CACNA1D: variants seen among roughly 807,000 people sequenced by gnomAD.
CACNA1D encodes the protein voltage-dependent L-type calcium channel subunit alpha-1D.
A neutral mutation model predicts 257.1 loss-of-function variants in CACNA1D; 55 were observed. The ratio of observed to expected loss-of-function variants is 0.21; its 90% confidence interval spans 0.17 to 0.27. The LOEUF (loss-of-function observed/expected upper bound fraction) is 0.27, where lower values mean the gene tolerates loss of function less well. Among genes scored for constraint, CACNA1D ranks in the 10% least tolerant of loss-of-function variants. The probability of loss-of-function intolerance (pLI) is 1.00; values close to 1 mark genes in which losing one functional copy is unlikely to be tolerated. For missense variants in CACNA1D, 1,876 were observed against 2,784.0 expected, an observed-to-expected ratio of 0.67 and a Z score of 7.34; for synonymous variants, 980 against 1,014.9, an observed-to-expected ratio of 0.97 and a Z score of 0.65.
At chr3:53,500,728 G>A (rs1236216965) in intron 2 of CACNA1D, among the ~76,000 whole-genome samples, 1 of 152,198 alleles carries the variant, frequency 6.6e-6, no homozygotes, top group African/African-American at 2.4e-5. Flanking sequence ...CATTTTGGCA[G>A]ATGTCAAATT....
At chr3:53,706,788 G>C (rs1046253878) in intron 9 of CACNA1D, among the ~76,000 whole-genome samples, 2 of 151,996 alleles carry the variant, frequency 1.3e-5, no homozygotes, top group African/African-American at 4.8e-5. Flanking sequence ...CCACCCTTCT[G>C]TGTCTCCAAT....
intron 3 of CACNA1D, among the ~76,000 whole-genome samples, chr3:53,510,382 G>GT (rs1209679855): frequency 6.6e-6 from 1 of 152,106 alleles, no homozygotes; most frequent in Non-Finnish European, 1.5e-5. Context: ...TTCCATATCT[G>GT]TATGCAGAAA....
chr3:53,690,363 A>T (rs1193797169), intron 8 of CACNA1D, among the ~76,000 whole-genome samples: 2 of 152,212 alleles, frequency 1.3e-5, no homozygotes, highest in Non-Finnish European at 2.9e-5. Context: ...GAACAATGGG[A>T]TACAGAGGCT....
At chr3:53,786,747 C>CCCCCCCCCCCAAAAA in intron 39 of CACNA1D, 75 bp from the exon 40 acceptor site, 1 of 1,310,946 alleles carries the variant, frequency 7.6e-7, no homozygotes, top group Non-Finnish European at 1.1e-6. Context: ...GCCCCTGCCC[C>CCCCCCCCCCCAAAAA]AGCCAGAAGC....
In CACNA1D at chr3:53,705,544, A is replaced by T. The variant is rs554494688; in HGVS notation, c.1390+2734A>T. On this transcript the variant is annotated intron_variant, in intron 9 of 47. Transcript: ENST00000350061. ...ACTAGCTTAACGTTTGATCCAGAAT[A>T]GCAAATATTTCTGTGGTGCGCCCTT... Among the ~76,000 whole-genome samples, 3 of 152,332 alleles carry T rather than the reference A, an allele frequency of 2.0e-5. No homozygotes were observed. The South Asian group carries it at 6.2e-4, about 32-fold the overall frequency.
At chr3:53,540,406 G>A (rs6809008) in intron 3 of CACNA1D, among the ~76,000 whole-genome samples, 10,896 of 151,714 alleles carry the variant, frequency 0.072, 818 homozygotes, top group African/African-American at 0.19. Flanking sequence ...GATTACAGGC[G>A]TGAGCCACCA....
chr3:53,752,009 A>AT (rs2108882227), intron 28 of CACNA1D, 102 bp downstream of exon 28: 1 of 1,136,660 alleles, frequency 8.8e-7, no homozygotes, highest in East Asian at 2.3e-5. Flanking sequence ...GAGGGGTTTG[A>AT]TTTTTCTGAT....
At chr3:53,691,846 A>G (rs1262576111) in intron 8 of CACNA1D, among the ~76,000 whole-genome samples, 50 of 110,168 alleles carry the variant, frequency 4.5e-4, no homozygotes, top group African/African-American at 1.6e-3. Flanking sequence ...TATTACATAT[A>G]TAATATATAA....
At chr3:53,693,450 A>C (rs1455022797) in intron 8 of CACNA1D, among the ~76,000 whole-genome samples, 3 of 147,616 alleles carry the variant, frequency 2.0e-5, no homozygotes, top group African/African-American at 7.7e-5. Context: ...GAAACATCAC[A>C]CATTGCTGTT....
intron 39 of CACNA1D, among the ~76,000 whole-genome samples, chr3:53,784,258 C>T (rs1357210798): frequency 6.6e-6 from 1 of 152,196 alleles, no homozygotes; most frequent in Non-Finnish European, 1.5e-5. Flanking sequence ...CCCTTCATTT[C>T]AGAAGCTCTC....
intron 14 of CACNA1D, among the ~76,000 whole-genome samples, chr3:53,724,353 C>T (rs963003151): frequency 1.3e-5 from 2 of 152,158 alleles, no homozygotes; most frequent in Non-Finnish European, 2.9e-5. Flanking sequence ...TTTTTGATGG[C>T]AGGCCAGTTC....
chr3:53,544,314 T>C (rs1269534956), intron 3 of CACNA1D, among the ~76,000 whole-genome samples: 1 of 152,102 alleles, frequency 6.6e-6, no homozygotes, highest in African/African-American at 2.4e-5. Flanking sequence ...AGAAATTATA[T>C]AGTACAATAT....
chr3:53,662,373 C>T (rs1473723584), intron 5 of CACNA1D, among the ~76,000 whole-genome samples: 2 of 152,118 alleles, frequency 1.3e-5, no homozygotes, highest in African/African-American at 4.8e-5. Flanking sequence ...GTTGACGTCC[C>T]CCATTCTCTC....
chr3:53,751,974 G>A lies in CACNA1D; in HGVS notation c.3675+67G>A, dbSNP rs1182880019. 6.7e-6 allele frequency: 10 copies of A among 1,498,964 alleles called. No individual in the cohort carries two copies. The highest frequency in any genetic ancestry group is 1.8e-4 in the Middle Eastern group (1 of 5,662). 92.9% of individuals were successfully genotyped at this position (1,498,964 alleles called of 1,614,324 possible). ...CGCACAGCCCCGTGCCCCAAATGCT[G>A]AGGGTGGAATGCTGCCCCTCACAGG... On this transcript the variant is annotated intron_variant, in intron 28 of 47. Transcript: ENST00000350061. This position sits in a 1 kb window ranked among gnomAD's most constrained non-coding sequence, Gnocchi z 4.3.
At chr3:53,639,035 G>C (rs748939359) in intron 3 of CACNA1D, among the ~76,000 whole-genome samples, 3 of 152,196 alleles carry the variant, frequency 2.0e-5, no homozygotes, top group African/African-American at 7.2e-5. Context: ...GTGGAGCCAG[G>C]TCTCTTCAAA....
intron 3 of CACNA1D, among the ~76,000 whole-genome samples, chr3:53,519,396 A>T (rs1024501988): frequency 2.6e-5 from 4 of 152,180 alleles, no homozygotes; most frequent in Non-Finnish European, 2.9e-5. Flanking sequence ...TCTGTAGCAG[A>T]GGGAGCTTCA....
intron 20 of CACNA1D, among the ~76,000 whole-genome samples, chr3:53,739,509 T>A (rs1199278051): frequency 6.6e-6 from 1 of 152,190 alleles, no homozygotes; most frequent in Non-Finnish European, 1.5e-5. Context: ...CTAGCAGGAC[T>A]CTGCTGATGG....
At chr3:53,777,992 G>A (rs752736174) in intron 37 of CACNA1D, among the ~76,000 whole-genome samples, 4 of 152,172 alleles carry the variant, frequency 2.6e-5, no homozygotes, top group Non-Finnish European at 5.9e-5. Context: ...GGGGTCAGGC[G>A]TTTTTACCAC....
At chr3:53,520,481 T>A (rs558692675) in intron 3 of CACNA1D, among the ~76,000 whole-genome samples, 1 of 152,344 alleles carries the variant, frequency 6.6e-6, no homozygotes, top group East Asian at 1.9e-4. Context: ...ATTATTGGTT[T>A]GTGGCAGGGC....
Sources: gnomAD v4.1 joint callset for allele counts (sites outside exome capture counted in the v4.1 genomes callset) on GRCh38, gnomAD v4.1.1 for gene constraint, Gnocchi (gnomAD v3.1) non-coding constraint, MANE v1.5 for transcripts, NCBI Gene and HGNC (gene_info 2026-07-23, HGNC 2026-07-21) for gene names.